Variants in DENND2A observed in about 807,000 individuals in gnomAD.
The protein encoded by DENND2A is DENN domain-containing protein 2A.
DENND2A carries 53 observed loss-of-function variants against 105.3 expected under a neutral mutation model. The ratio of observed to expected loss-of-function variants is 0.50; its 90% CI spans 0.40 to 0.63. DENND2A has a LOEUF of 0.63. Ranked by LOEUF, DENND2A falls within the 30% of genes least tolerant of loss-of-function variation. DENND2A has a pLI of 0.00. For synonymous variants in DENND2A, 522 were observed against 508.4 expected (o/e 1.03, Z -0.36); for missense variants, 1,138 against 1,279.6 (o/e 0.89, Z 1.69).
intron 10 of DENND2A, among the ~76,000 whole-genome samples, chr7:140,558,617 A>G (rs1585629121): frequency 6.6e-6 from 1 of 151,028 alleles, no homozygotes; most frequent in African/African-American, 2.4e-5. Flanking sequence ...AACTGCTTGA[A>G]CCTAGGAGGC....
intron 9 of DENND2A, among the ~76,000 whole-genome samples, 197 bp downstream of exon 9, chr7:140,566,889 A>T (rs1450743551): frequency 6.6e-6 from 1 of 151,582 alleles, no homozygotes; most frequent in Non-Finnish European, 1.5e-5. Flanking sequence ...AAGTCCCTGA[A>T]TCTCTCCTTT....
At chr7:140,631,936 C>T (rs1162173495) in intron 1 of DENND2A, among the ~76,000 whole-genome samples, 1 of 152,104 alleles carries the variant, frequency 6.6e-6, no homozygotes, top group East Asian at 1.9e-4. Context: ...ACTAGTCTCA[C>T]TCCAAGCTCG....
intron 5 of DENND2A, 116 bp from the exon 6 acceptor site, chr7:140,574,124 C>T: frequency 8.3e-7 from 1 of 1,209,142 alleles, no homozygotes; most frequent in Admixed American, 2.0e-5. Context: ...GGTCTATGTT[C>T]CCAGGTTAGG....
At chr7:140,634,991 A>G (rs528801311) in intron 1 of DENND2A, among the ~76,000 whole-genome samples, 1 of 150,534 alleles carries the variant, frequency 6.6e-6, no homozygotes, top group South Asian at 2.1e-4. Context: ...GGCCAAGTGC[A>G]GTGGCTCATG....
In DENND2A at chr7:140,518,526, T is replaced by C; in HGVS notation, c.*181A>G. 1.9e-6 allele frequency: 1 copy of C among 517,356 alleles called. No individual in the cohort carries two copies. Among genetic ancestry groups the C allele is most frequent in the South Asian group, 3.6e-5 (1 of 27,942 alleles). 32.0% of individuals were successfully genotyped at this position (517,356 alleles called of 1,614,324 possible). A position where few individuals can be genotyped will look rare whatever the true frequency, so the allele number is the denominator to read the frequency against. ...TGGTCTCGGGCTCCCTTTCTGGGGC[T>C]GTCCTCCCAGGCGGCTCCCAGGTCC... On this transcript the variant is annotated 3_prime_UTR_variant, in exon 20 of 20. Transcript: ENST00000496613.
At chr7:140,610,331 A>C (rs2130702239) in intron 1 of DENND2A, among the ~76,000 whole-genome samples, 1 of 151,038 alleles carries the variant, frequency 6.6e-6, no homozygotes, top group African/African-American at 2.4e-5. Context: ...AGTCTCCCTC[A>C]ATTTTTAATC....
intron 14 of DENND2A, among the ~76,000 whole-genome samples, chr7:140,529,905 C>T (rs1472715375): frequency 1.3e-5 from 2 of 152,026 alleles, no homozygotes; most frequent in Non-Finnish European, 2.9e-5. Context: ...AACAGACCTG[C>T]ACGCTGTGCA....
At chr7:140,602,758 A>G (rs988575045) in intron 2 of DENND2A, among the ~76,000 whole-genome samples, 2 of 150,326 alleles carry the variant, frequency 1.3e-5, no homozygotes, top group Non-Finnish European at 3.0e-5. Flanking sequence ...GGATCACTTG[A>G]GGCCAGGAGT....
At position 140,531,684 on chromosome 7, in the gene DENND2A, G is replaced by A. The variant is rs186426223; in HGVS notation, c.2328-4189C>T. 4.6e-5 allele frequency among the ~76,000 whole-genome samples: 7 copies of A among 151,658 alleles called. No individual in the cohort carries two copies. The East Asian group carries it at 9.7e-4, about 21-fold the overall frequency. On this transcript the variant is annotated intron_variant, in intron 14 of 19. Transcript: ENST00000496613. Reference sequence around the variant, plus strand: ...CAAAAAACGAGTCGGGCATGGTGGCGTGTGCCTGTAATCCCAGCTACTCAG... The same window carrying A: ...CAAAAAACGAGTCGGGCATGGTGGCATGTGCCTGTAATCCCAGCTACTCAG...
At chr7:140,578,199 A>G (rs1236370963) in intron 5 of DENND2A, among the ~76,000 whole-genome samples, 1 of 152,156 alleles carries the variant, frequency 6.6e-6, no homozygotes, top group Non-Finnish European at 1.5e-5. Flanking sequence ...CAGTTGTTTC[A>G]GGAGAGTGGC....
Position 140,602,020 on chromosome 7 carries a change from T to C in DENND2A, c.378A>G (p.Gln126=), listed in dbSNP as rs1799528995. The change falls in exon 3 of 20, where the codon CAA becomes CAG. Residue 126 remains glutamine (Q), a synonymous_variant. Transcript: ENST00000496613. ...NVGGQDPEPG[Q]DLSQPEREVD... is the part of the protein sequence containing the mutation. Reference sequence around the variant, plus strand: ...CTTCCCGTTCTGGCTGGCTTAGGTCTTGCCCCGGCTCTGGGTCCTGTCCCC... The same window carrying C: ...CTTCCCGTTCTGGCTGGCTTAGGTCCTGCCCCGGCTCTGGGTCCTGTCCCC... 1 of 1,614,234 alleles carries C rather than the reference T, an allele frequency of 6.2e-7. No individual in the cohort carries two copies. Among genetic ancestry groups the C allele is most frequent in the African/African-American group, 1.3e-5 (1 of 75,068 alleles).
At chr7:140,589,611 C>T (rs551610986) in intron 3 of DENND2A, among the ~76,000 whole-genome samples, 77 of 152,248 alleles carry the variant, frequency 5.1e-4, no homozygotes, top group Non-Finnish European at 9.1e-4. Context: ...TGTAGCTGTG[C>T]CTTGCTTTGC....
Position 140,527,543 on chromosome 7 carries a change from C to G in DENND2A, c.2328-48G>C, listed in dbSNP as rs369401539. On this transcript the variant is annotated intron_variant, in intron 14 of 19. Transcript: ENST00000496613. This position sits in a 1 kb window ranked among gnomAD's most constrained non-coding sequence, Gnocchi z 4.9. ...GAGAGAGGCCGACTCAGCGAGGGCC[C>G]GAGGAAGCCTCCAGGGGAGAAGGCT... The G allele has an allele frequency of 6.5e-7, 1 of 1,533,034 alleles. No homozygotes were observed. The highest frequency in any genetic ancestry group is 1.3e-5 in the South Asian group (1 of 79,682). The allele number at this position is 1,533,034 out of a possible 1,614,324, so 95.0% of individuals were successfully genotyped here.
chr7:140,538,083 C>G (rs1796509332), intron 14 of DENND2A, among the ~76,000 whole-genome samples: 1 of 152,180 alleles, frequency 6.6e-6, no homozygotes, highest in South Asian at 2.1e-4. Context: ...AAAGATAAAA[C>G]AGAGCAAAAA....
chr7:140,604,228 G>T (rs1439313608), intron 2 of DENND2A, among the ~76,000 whole-genome samples: 2 of 152,232 alleles, frequency 1.3e-5, no homozygotes, highest in East Asian at 1.9e-4. Flanking sequence ...TTACTATTTA[G>T]CTTTCTATTC....
At chr7:140,522,177 TAATC>T in intron 17 of DENND2A, 77 bp from the exon 18 acceptor site, 2 of 1,554,470 alleles carry the variant, frequency 1.3e-6, no homozygotes, top group South Asian at 2.4e-5. Context: ...AGCCAATTGG[TAATC>T]AAAGAACAGT....
chr7:140,583,857 T>C (rs1191615709), intron 5 of DENND2A, among the ~76,000 whole-genome samples: 1 of 138,708 alleles, frequency 7.2e-6, no homozygotes, highest in Non-Finnish European at 1.5e-5. Flanking sequence ...ACCTGGGAGG[T>C]GGAGCTTGCA....
intron 1 of DENND2A, among the ~76,000 whole-genome samples, chr7:140,615,488 C>T (rs941272805): frequency 6.6e-6 from 1 of 151,810 alleles, no homozygotes; most frequent in African/African-American, 2.4e-5. Context: ...AAAGGCACAA[C>T]TTCTCTGCTA....
intron 3 of DENND2A, among the ~76,000 whole-genome samples, chr7:140,592,471 A>G (rs1799098162): frequency 6.6e-6 from 1 of 151,998 alleles, no homozygotes; most frequent in Non-Finnish European, 1.5e-5. Context: ...TCAGCCTCCC[A>G]AAGTGCTGGG....
Sources: gnomAD v4.1 joint callset for allele counts (sites outside exome capture counted in the v4.1 genomes callset) on GRCh38, gnomAD v4.1.1 for gene constraint, Gnocchi (gnomAD v3.1) non-coding constraint, MANE v1.5 for transcripts, NCBI Gene and HGNC (gene_info 2026-07-23, HGNC 2026-07-21) for gene names.